STARD13: variants seen among roughly 807,000 people sequenced by gnomAD.
The protein encoded by STARD13 is StAR related lipid transfer domain containing 13.
STARD13 carries 62 observed loss-of-function variants against 106.4 expected under a neutral mutation model. The ratio of observed to expected loss-of-function variants is 0.58; its 90% confidence interval spans 0.48 to 0.72. The LOEUF (loss-of-function observed/expected upper bound fraction) is 0.72, where lower values mean the gene tolerates loss of function less well. STARD13 is among the 30% of genes least tolerant of loss of function. The pLI is 0.00. For missense variants in STARD13, 1,387 were observed against 1,424.0 expected (o/e 0.97, Z 0.42); for synonymous variants, 565 against 553.0 (o/e 1.02, Z -0.31).
chr13:33,137,149 T>C (rs921728160), intron 4 of STARD13, among the ~76,000 whole-genome samples: 19 of 152,386 alleles, frequency 1.2e-4, no homozygotes, highest in African/African-American at 4.3e-4. Context: ...TTAATATTTC[T>C]AATAATTCAT....
chr13:33,617,634 C>A, the STARD13 span, among the ~76,000 whole-genome samples: 2 of 152,138 alleles, frequency 1.3e-5, 1 homozygote, highest in South Asian at 4.1e-4. Context: ...CTTCAAAGAA[C>A]CTTTGAAATG....
At chr13:33,435,468 T>C in the STARD13 span, among the ~76,000 whole-genome samples, 9 of 152,192 alleles carry the variant, frequency 5.9e-5, no homozygotes, top group African/African-American at 1.9e-4. Context: ...AGATTCCCAC[T>C]AATTAAAATC....
chr13:33,357,969 G>C, the STARD13 span, among the ~76,000 whole-genome samples: 2 of 152,218 alleles, frequency 1.3e-5, no homozygotes, highest in Non-Finnish European at 2.9e-5. Flanking sequence ...AGCTTGCAGG[G>C]AGGTGTGGAG....
the STARD13 span, among the ~76,000 whole-genome samples, chr13:33,378,277 C>G: frequency 6.6e-6 from 1 of 152,192 alleles, no homozygotes; most frequent in Non-Finnish European, 1.5e-5. Flanking sequence ...TGAACGTCCA[C>G]TGTGCCACAC....
chr13:33,106,235 C>A (rs997383473), intron 13 of STARD13, among the ~76,000 whole-genome samples: 2 of 152,166 alleles, frequency 1.3e-5, no homozygotes, highest in Non-Finnish European at 2.9e-5. Flanking sequence ...GCCTGGCCAA[C>A]ATGGCGAGGC....
rs143767628 is a variant in STARD13, at chr13:33,192,846, C to T, written c.170-25224G>A. Among the ~76,000 whole-genome samples, 391 of 151,984 alleles carry T rather than the reference C, an allele frequency of 2.6e-3. 2 individuals are homozygous for T. Among genetic ancestry groups the T allele is most frequent in the African/African-American group, 8.9e-3 (368 of 41,432 alleles). On this transcript the variant is annotated intron_variant, in intron 1 of 13. Transcript: ENST00000336934. ...CCAGGAGGCAGAGGTTGCAGTGAGC[C>T]GAGATTGCACCACTGCACTCCAGCG...
At chr13:33,239,969 T>A (rs544317866) in intron 1 of STARD13, among the ~76,000 whole-genome samples, 1 of 152,314 alleles carries the variant, frequency 6.6e-6, no homozygotes, top group African/African-American at 2.4e-5. Context: ...TTTTTGCAAA[T>A]CCAATGTCAT....
At position 33,106,874 on chromosome 13, in the gene STARD13, A is replaced by G. The variant is rs368036706; in HGVS notation, c.3108T>C (p.His1036=). 3.1e-6 allele frequency: 5 copies of G among 1,614,040 alleles called. No individual in the cohort carries two copies. Among genetic ancestry groups the G allele is most frequent in the Non-Finnish European group, 4.2e-6 (5 of 1,180,006 alleles). The change falls in exon 13 of 14, where the codon CAT becomes CAC. Residue 1036 remains histidine (H), a synonymous_variant. Transcript: ENST00000336934. ...MCTLVSLSVE[H]EEAQLLGGVR... ...CACCACCCAGGAGCTGGGCTTCCTC[A>G]TGCTCCACGGAGAGGGACACCAGGG...
intron 1 of STARD13, among the ~76,000 whole-genome samples, chr13:33,204,524 C>T (rs1257322495): frequency 1.3e-5 from 2 of 152,122 alleles, no homozygotes; most frequent in Admixed American, 1.3e-4. Context: ...TCTTATGAGA[C>T]GCGTGGAAAG....
chr13:33,224,043 T>A (rs562877607), intron 1 of STARD13, among the ~76,000 whole-genome samples: 1 of 152,162 alleles, frequency 6.6e-6, no homozygotes, highest in Non-Finnish European at 1.5e-5. Context: ...TAGGCTTGAT[T>A]GAGCCAATAG....
intron 1 of STARD13, among the ~76,000 whole-genome samples, chr13:33,336,936 C>A (rs4941750): frequency 0.73 from 111,342 of 151,768 alleles, 41,671 homozygotes; most frequent in East Asian, 0.97. Flanking sequence ...AAAGTAATAG[C>A]AAAGACTGCA....
At chr13:33,612,280 A>G in the STARD13 span, among the ~76,000 whole-genome samples, 9 of 152,164 alleles carry the variant, frequency 5.9e-5, no homozygotes, top group Non-Finnish European at 1.5e-5. Context: ...TCCTTAAGAC[A>G]CTTGACTTTC....
At chr13:33,321,934 G>T (rs1179844122) in intron 1 of STARD13, among the ~76,000 whole-genome samples, 1 of 152,184 alleles carries the variant, frequency 6.6e-6, no homozygotes, top group Admixed American at 6.5e-5. Flanking sequence ...GTGTTATCAA[G>T]AATGCATAAT....
the STARD13 span, among the ~76,000 whole-genome samples, chr13:33,615,748 C>T: frequency 2.6e-4 from 40 of 152,304 alleles, no homozygotes; most frequent in South Asian, 8.1e-3. Context: ...TCATGACATC[C>T]AGGTTCCTTT....
chr13:33,637,015 A>G, the STARD13 span, among the ~76,000 whole-genome samples: 2 of 152,312 alleles, frequency 1.3e-5, no homozygotes, highest in South Asian at 4.1e-4. Flanking sequence ...TGAGCAACAC[A>G]CTACTCCTGA....
At chr13:33,128,836 G>C in intron 5 of STARD13, 93 bp downstream of exon 5, 1 of 1,305,064 alleles carries the variant, frequency 7.7e-7, no homozygotes, top group Non-Finnish European at 1.1e-6. Flanking sequence ...CAGGCATTTA[G>C]TAAGTACTCT....
chr13:33,135,861 G>A (rs665005), intron 4 of STARD13, among the ~76,000 whole-genome samples: 49,457 of 151,900 alleles, frequency 0.33, 8,721 homozygotes, highest in Non-Finnish European at 0.41. Flanking sequence ...AGTGGCTCAT[G>A]CCTGTAATCC....
chr13:33,581,484 A>G, the STARD13 span, among the ~76,000 whole-genome samples: 1 of 152,160 alleles, frequency 6.6e-6, no homozygotes, highest in African/African-American at 2.4e-5. Flanking sequence ...AGCAACATTC[A>G]TTTGAATTTG....
chr13:33,215,418 C>T (rs1272821858), intron 1 of STARD13, among the ~76,000 whole-genome samples: 3 of 152,236 alleles, frequency 2.0e-5, no homozygotes, highest in Non-Finnish European at 4.4e-5. Context: ...AGCATCCCCT[C>T]ATAACCTATA....
Sources: allele counts gnomAD v4.1 joint callset (sites outside exome capture counted in the v4.1 genomes callset), GRCh38; gene constraint gnomAD v4.1.1; transcripts MANE v1.5; gene names NCBI Gene and HGNC (gene_info 2026-07-23, HGNC 2026-07-21).